Variants in DNAI4 observed in about 807,000 individuals in gnomAD.
The protein encoded by DNAI4 is WD repeat domain 78.
Under a neutral mutation model 105.8 loss-of-function variants are expected in DNAI4, and 85 were observed. The ratio of observed to expected loss-of-function variants is 0.80; its 90% CI spans 0.67 to 0.96. The LOEUF is 0.96. Among genes scored for constraint, DNAI4 ranks in the 40% least tolerant of loss-of-function variants. The pLI is 0.00. For synonymous variants in DNAI4, 352 were observed against 331.5 expected (o/e 1.06, Z -0.67); for missense variants, 1,014 against 1,005.6 (o/e 1.01, Z -0.11).
At chr1:66,859,049 GAAGA>G (rs1164468269) in intron 7 of DNAI4, among the ~76,000 whole-genome samples, 5 of 152,072 alleles carry the variant, frequency 3.3e-5, no homozygotes, top group African/African-American at 7.2e-5. Context: ...TAATAAAAAT[GAAGA>G]GAGAAGCCAT....
chr1:66,883,864 T>A (rs1647134669), intron 4 of DNAI4, among the ~76,000 whole-genome samples: 1 of 152,216 alleles, frequency 6.6e-6, no homozygotes, highest in South Asian at 2.1e-4. Flanking sequence ...GAAATTTCTC[T>A]TTGCAATTTT....
At chr1:66,911,459 C>T (rs973499499) in intron 1 of DNAI4, among the ~76,000 whole-genome samples, 2 of 152,080 alleles carry the variant, frequency 1.3e-5, no homozygotes, top group African/African-American at 4.8e-5. Context: ...CTTTCCCCTC[C>T]CTGAAGGTTT....
chr1:66,818,877 C>T (rs917591480), intron 16 of DNAI4, among the ~76,000 whole-genome samples: 7 of 152,244 alleles, frequency 4.6e-5, no homozygotes, highest in African/African-American at 1.4e-4. Flanking sequence ...CGTGCCACTG[C>T]ATTCCAGCCT....
At chr1:66,857,598 G>A (rs1017301448) in intron 7 of DNAI4, among the ~76,000 whole-genome samples, 79 of 148,870 alleles carry the variant, frequency 5.3e-4, no homozygotes, top group African/African-American at 1.9e-3. Context: ...ACAATGACAC[G>A]ATCTTGGCTC....
At position 66,818,344 on chromosome 1, in the gene DNAI4, T is replaced by C. The variant is rs534260162; in HGVS notation, c.2496+4017A>G. ...TAAGTATCTGAGACTTGTTTGTCCA[T>C]AAGAAAATTGAAGTACTTAAAAGTC... On this transcript the variant is annotated intron_variant, in intron 16 of 16. Coordinates refer to ENST00000371026, the MANE Select transcript of DNAI4 (RefSeq NM_024763.5). 1.9e-4 allele frequency among the ~76,000 whole-genome samples: 29 copies of C among 152,068 alleles called. No homozygotes were observed. In the South Asian group the frequency reaches 4.1e-3, roughly 22 times the overall value.
chr1:66,914,686 A>G (rs1472076277), intron 1 of DNAI4, among the ~76,000 whole-genome samples: 1 of 152,172 alleles, frequency 6.6e-6, no homozygotes, highest in Non-Finnish European at 1.5e-5. Flanking sequence ...GGTTATCAAG[A>G]ATCAGAAAAT....
At position 66,905,124 on chromosome 1, in the gene DNAI4, A is replaced by G. The variant is rs1363939826; in HGVS notation, c.345+77T>C. On this transcript the variant is annotated intron_variant, in intron 2 of 16. Coordinates refer to ENST00000371026, the MANE Select transcript of DNAI4 (RefSeq NM_024763.5). ...ATGAGTGATTATCTGAAAGCAGCAT[A>G]TTTTCTATCTTTAACATTTCAATTG... 1.1e-5 allele frequency: 13 copies of G among 1,147,372 alleles called. No individual in the cohort carries two copies. The Admixed American group carries it at 1.4e-4, about 12-fold the overall frequency. 71.1% of individuals were successfully genotyped at this position (1,147,372 alleles called of 1,614,324 possible). A position where few individuals can be genotyped will look rare whatever the true frequency, so the allele number is the denominator to read the frequency against.
At chr1:66,840,335 C>T (rs895021966) in intron 9 of DNAI4, 134 bp downstream of exon 9, 2 of 759,292 alleles carry the variant, frequency 2.6e-6, no homozygotes, top group Non-Finnish European at 4.2e-6. Context: ...GTTTTAGGGG[C>T]ATTCTAAAAC....
intron 1 of DNAI4, chr1:66,907,156 C>T (rs1649318662): frequency 6.6e-6 from 1 of 152,196 alleles, no homozygotes; most frequent in African/African-American, 2.4e-5. Flanking sequence ...CTGCCTACTA[C>T]ATGACTTCTC....
chr1:66,909,582 A>T (rs867521444), intron 1 of DNAI4, among the ~76,000 whole-genome samples: 1 of 147,532 alleles, frequency 6.8e-6, no homozygotes, highest in Non-Finnish European at 1.5e-5. Context: ...TCTCTTTTCT[A>T]TTTACATTCA....
chr1:66,822,341 T>C lies in DNAI4; in HGVS notation c.2496+20A>G, dbSNP rs200224665. On this transcript the variant is annotated intron_variant, in intron 16 of 16. Coordinates refer to ENST00000371026, the MANE Select transcript of DNAI4 (RefSeq NM_024763.5). ...ATAGACTAATAAAATGACACAAATT[T>C]TTTTACTCTTGAGTCTTACCCGGCC... 1 of 1,576,376 alleles carries C rather than the reference T, an allele frequency of 6.3e-7. No individual in the cohort carries two copies. Among genetic ancestry groups the C allele is most frequent in the Admixed American group, 1.9e-5 (1 of 51,514 alleles).
intron 2 of DNAI4, 96 bp downstream of exon 2, chr1:66,905,105 G>T: frequency 1.0e-6 from 1 of 986,054 alleles, no homozygotes; most frequent in Non-Finnish European, 1.4e-6. Context: ...AATTATGAGT[G>T]ATTATCTGAA....
intron 4 of DNAI4, among the ~76,000 whole-genome samples, chr1:66,879,260 T>C (rs1033356119): frequency 2.0e-5 from 3 of 152,236 alleles, no homozygotes; most frequent in African/African-American, 7.2e-5. Flanking sequence ...TTCTCTAGAC[T>C]GTCATATAAG....
intron 3 of DNAI4, among the ~76,000 whole-genome samples, chr1:66,892,224 A>G (rs1055745797): frequency 6.6e-6 from 1 of 152,210 alleles, no homozygotes; most frequent in Non-Finnish European, 1.5e-5. Flanking sequence ...TTATTGGAAT[A>G]TCCTCCTTTA....
intron 7 of DNAI4, among the ~76,000 whole-genome samples, chr1:66,851,857 C>T (rs546169720): frequency 4.5e-4 from 68 of 151,200 alleles, no homozygotes; most frequent in African/African-American, 1.6e-3. Flanking sequence ...ATCTAAGTTC[C>T]CAAATTGAGA....
chr1:66,856,756 C>G (rs1383935717), intron 7 of DNAI4, among the ~76,000 whole-genome samples: 1 of 151,750 alleles, frequency 6.6e-6, no homozygotes, highest in East Asian at 1.9e-4. Flanking sequence ...GAAGAAGTCT[C>G]AAATGAAATT....
chr1:66,822,839 T>A (rs1402763564), intron 15 of DNAI4, among the ~76,000 whole-genome samples: 1 of 152,202 alleles, frequency 6.6e-6, no homozygotes, highest in Admixed American at 6.5e-5. Context: ...AACATCAGTC[T>A]ATTGTAAAGA....
At chr1:66,838,031 T>G (rs1444926364) in intron 9 of DNAI4, among the ~76,000 whole-genome samples, 1 of 152,192 alleles carries the variant, frequency 6.6e-6, no homozygotes, top group Non-Finnish European at 1.5e-5. Flanking sequence ...CACCTAAAAA[T>G]AACCAATTGC....
At chr1:66,824,369 C>T (rs1171896578) in intron 15 of DNAI4, among the ~76,000 whole-genome samples, 2 of 151,734 alleles carry the variant, frequency 1.3e-5, no homozygotes, top group Non-Finnish European at 1.5e-5. Context: ...GTTCTTTTGG[C>T]TTAGGATTGA....
Sources: allele counts gnomAD v4.1 joint callset (sites outside exome capture counted in the v4.1 genomes callset), GRCh38; gene constraint gnomAD v4.1.1; transcripts MANE v1.5; gene names NCBI Gene and HGNC (gene_info 2026-07-23, HGNC 2026-07-21).